NCOR2: variants seen among roughly 807,000 people sequenced by gnomAD.
The protein encoded by NCOR2 is CTG repeat protein 26.
In NCOR2, 81 loss-of-function variants were observed where a neutral mutation model predicts 262.9. The ratio of observed to expected loss-of-function variants is 0.31; its 90% CI spans 0.26 to 0.37. The LOEUF (loss-of-function observed/expected upper bound fraction) is 0.37. Ranked by LOEUF, NCOR2 falls within the 10% of genes least tolerant of loss-of-function variation. The pLI, the probability that NCOR2 is intolerant of heterozygous loss-of-function variation, is 1.00. For synonymous variants in NCOR2, 1,659 were observed against 1,559.3 expected, an observed-to-expected ratio of 1.06 and a Z score of -1.51; for missense variants, 3,385 against 3,621.4, an observed-to-expected ratio of 0.93 and a Z score of 1.68.
intron 16 of NCOR2, among the ~76,000 whole-genome samples, chr12:124,396,673 G>A (rs934542943): frequency 6.6e-6 from 1 of 152,140 alleles, no homozygotes; most frequent in African/African-American, 2.4e-5. Flanking sequence ...ACCTCAGCCT[G>A]GGGGGCGGAG....
chr12:124,357,405 C>T (rs558486348), intron 22 of NCOR2, among the ~76,000 whole-genome samples: 5 of 152,322 alleles, frequency 3.3e-5, no homozygotes, highest in Non-Finnish European at 4.4e-5. Context: ...CTTCCCACTT[C>T]AGGCTCCCAA....
intron 15 of NCOR2, among the ~76,000 whole-genome samples, chr12:124,398,546 G>C (rs2041819577): frequency 6.6e-6 from 1 of 152,224 alleles, no homozygotes. Context: ...CCTGCACTCT[G>C]TTGGGAAAGG....
intron 16 of NCOR2, among the ~76,000 whole-genome samples, chr12:124,388,115 GA>G (rs2040954285): frequency 6.6e-6 from 1 of 152,140 alleles, no homozygotes; most frequent in African/African-American, 2.4e-5. Context: ...AGCCCTTCCT[GA>G]AAACATACGG....
intron 1 of NCOR2, among the ~76,000 whole-genome samples, chr12:124,547,297 C>T (rs941759542): frequency 6.6e-6 from 1 of 152,124 alleles, no homozygotes; most frequent in Non-Finnish European, 1.5e-5. Flanking sequence ...CTGGCCTGTC[C>T]TATTTTATTA....
chr12:124,450,310 G>A (rs568727697), intron 6 of NCOR2, among the ~76,000 whole-genome samples: 28 of 152,354 alleles, frequency 1.8e-4, no homozygotes, highest in African/African-American at 5.8e-4. Context: ...AGACAAAAAC[G>A]TTGAATGCCA....
chr12:124,541,321 A>G (rs1594038539), intron 1 of NCOR2, among the ~76,000 whole-genome samples: 1 of 1,930 alleles, frequency 5.2e-4, no homozygotes, highest in Non-Finnish European at 9.2e-4. Context: ...GAAGAGCTGG[A>G]GGGGGATGGG....
Position 124,346,505 on chromosome 12 carries a change from C to T in NCOR2, c.4359+59G>A. The T allele has an allele frequency of 1.4e-6, 2 of 1,435,594 alleles. 1 individual carries two copies. Among genetic ancestry groups the T allele is most frequent in the East Asian group, 5.0e-5 (2 of 40,360 alleles). The allele number at this position is 1,435,594 out of a possible 1,614,324, so 88.9% of individuals were successfully genotyped here. ...CATGTGGAGAGGCCCAGGGCAGTGC[C>T]CCACAGCCACCGCCACCCCTCCTAG... is the stretch of plus-strand genomic sequence containing the variant. On this transcript the variant is annotated intron_variant, in intron 31 of 46. Coordinates refer to ENST00000405201, the Ensembl canonical transcript of NCOR2.
intron 6 of NCOR2, among the ~76,000 whole-genome samples, chr12:124,453,340 G>C (rs2045661218): frequency 6.6e-6 from 1 of 152,346 alleles, no homozygotes; most frequent in African/African-American, 2.4e-5. Context: ...ACTCACGCCA[G>C]TGAGGGAATC....
chr12:124,410,519 G>A (rs1456624237), intron 13 of NCOR2, among the ~76,000 whole-genome samples: 4 of 152,176 alleles, frequency 2.6e-5, no homozygotes, highest in Non-Finnish European at 5.9e-5. Flanking sequence ...GGCCCTGACT[G>A]GAGAGGACCC....
At chr12:124,386,199 C>T (rs568955109) in intron 16 of NCOR2, among the ~76,000 whole-genome samples, 11 of 152,200 alleles carry the variant, frequency 7.2e-5, no homozygotes, top group Non-Finnish European at 1.3e-4. Context: ...GGCCACTGCG[C>T]GGGAGTCTGG....
At chr12:124,501,569 T>C (rs771029175) in intron 1 of NCOR2, among the ~76,000 whole-genome samples, 3 of 152,124 alleles carry the variant, frequency 2.0e-5, no homozygotes, top group Non-Finnish European at 4.4e-5. Context: ...CCCTGGCTTG[T>C]AGATGCATCG....
rs563150713 is a variant in NCOR2 at position 124,457,214 on chromosome 12, A to G, written c.706-52T>C. On this transcript the variant is annotated intron_variant, in intron 5 of 46. Coordinates refer to ENST00000405201, the Ensembl canonical transcript of NCOR2. This position sits in a 1 kb window ranked among gnomAD's most constrained non-coding sequence, Gnocchi z 4.0. ...ATTTTTTTAAAAAACAAAAAAACAC[A>G]GATTATAAATAGAGGCTTCCCGGAG... The G allele has an allele frequency of 3.9e-6, 6 of 1,520,550 alleles. No homozygotes were observed. The African/African-American group carries it at 8.8e-5, about 22-fold the overall frequency. 94.2% of individuals were successfully genotyped at this position (1,520,550 alleles called of 1,614,324 possible). A position where few individuals can be genotyped will look rare whatever the true frequency, so the allele number is the denominator to read the frequency against.
In NCOR2 at chr12:124,345,508, C is replaced by T. The variant is rs184120627; in HGVS notation, c.4360-557G>A. Among the ~76,000 whole-genome samples, 478 of 152,332 alleles carry T rather than the reference C, an allele frequency of 3.1e-3. 1 individual carries two copies. Among genetic ancestry groups the T allele is most frequent in the African/African-American group, 0.011 (453 of 41,588 alleles). ...ACCTTCGTAGCCAGGCCACCAGGTC[C>T]CCTGCCTCTTTTCAGCAGGCTTCGG... On this transcript the variant is annotated intron_variant, in intron 31 of 46. Coordinates refer to ENST00000405201, the Ensembl canonical transcript of NCOR2.
chr12:124,449,211 G>A (rs771226522), intron 7 of NCOR2, among the ~76,000 whole-genome samples: 29 of 152,160 alleles, frequency 1.9e-4, no homozygotes, highest in Non-Finnish European at 3.7e-4. Flanking sequence ...CTCACCCAAT[G>A]GCAGTGGCAC....
At chr12:124,361,208 G>T (rs1222608306) in intron 22 of NCOR2, among the ~76,000 whole-genome samples, 1 of 152,028 alleles carries the variant, frequency 6.6e-6, no homozygotes, top group East Asian at 1.9e-4. Context: ...CAGTCACCCG[G>T]ATTTGTCCCT....
intron 37 of NCOR2, among the ~76,000 whole-genome samples, chr12:124,337,688 A>C (rs574648917): frequency 6.3e-4 from 96 of 152,338 alleles, no homozygotes; most frequent in African/African-American, 2.2e-3. Flanking sequence ...GAGGAGTGAG[A>C]GAGCAAGGGG....
chr12:124,392,045 T>C (rs1284630526), intron 16 of NCOR2, among the ~76,000 whole-genome samples: 1 of 152,190 alleles, frequency 6.6e-6, no homozygotes, highest in Non-Finnish European at 1.5e-5. Context: ...TATGCGTGCG[T>C]GTGTACACAC....
chr12:124,479,490 GGCACATGCGCGCATACACAC>G (rs1208419962), intron 3 of NCOR2, among the ~76,000 whole-genome samples: 10 of 145,714 alleles, frequency 6.9e-5, no homozygotes, highest in East Asian at 6.2e-4. Context: ...GACACACACA[GGCACATGCGCGCATACACAC>G]GCACATGCGC....
chr12:124,438,805 AG>A (rs2044568131), intron 7 of NCOR2, among the ~76,000 whole-genome samples: 1 of 6,310 alleles, frequency 1.6e-4, no homozygotes, highest in East Asian at 4.5e-3. Context: ...AGAGAGAGAG[AG>A]AGACGGAGAC....
Sources: allele counts gnomAD v4.1 joint callset (sites outside exome capture counted in the v4.1 genomes callset), GRCh38; gene constraint gnomAD v4.1.1; non-coding constraint Gnocchi (gnomAD v3.1); transcripts MANE v1.5; gene names NCBI Gene and HGNC (gene_info 2026-07-23, HGNC 2026-07-21).